PCED1B: variants seen among roughly 807,000 people sequenced by gnomAD.
The protein encoded by PCED1B is PC-esterase domain containing 1B.
For missense variants in PCED1B, 573 were observed against 573.9 expected, an observed-to-expected ratio of 1.00 and a Z score of 0.02; for synonymous variants, 251 against 246.1, an observed-to-expected ratio of 1.02 and a Z score of -0.19.
At chr12:47,196,438 G>A (rs531099012) in intron 2 of PCED1B, among the ~76,000 whole-genome samples, 3 of 152,324 alleles carry the variant, frequency 2.0e-5, no homozygotes, top group Admixed American at 2.0e-4. Flanking sequence ...ACTATATGTT[G>A]CCTGACATAC....
intron 2 of PCED1B, among the ~76,000 whole-genome samples, chr12:47,161,261 G>A (rs1346415914): frequency 6.6e-6 from 1 of 152,142 alleles, no homozygotes; most frequent in Non-Finnish European, 1.5e-5. Flanking sequence ...GCGACATATG[G>A]TGTCAGAAAA....
intron 2 of PCED1B, among the ~76,000 whole-genome samples, chr12:47,116,611 TA>T (rs1226632390): frequency 1.3e-5 from 2 of 152,214 alleles, no homozygotes; most frequent in Non-Finnish European, 2.9e-5. Context: ...TTTTAATAGG[TA>T]GTTAGATCAT....
At chr12:47,089,561 C>A (rs1938174674) in intron 1 of PCED1B, among the ~76,000 whole-genome samples, 1 of 145,200 alleles carries the variant, frequency 6.9e-6, no homozygotes, top group African/African-American at 2.5e-5. Context: ...CTTTGGGAAG[C>A]CAAGTTTATA....
At chr12:47,230,440 GAC>G (rs1254821302) in intron 3 of PCED1B, among the ~76,000 whole-genome samples, 1 of 150,938 alleles carries the variant, frequency 6.6e-6, no homozygotes, top group Non-Finnish European at 1.5e-5. Flanking sequence ...TAGAAAATAT[GAC>G]ACACTTTTCC....
intron 2 of PCED1B, among the ~76,000 whole-genome samples, chr12:47,119,656 G>A (rs1592162906): frequency 6.6e-6 from 1 of 151,710 alleles, no homozygotes; most frequent in South Asian, 2.1e-4. Context: ...CTTATGTCCA[G>A]AATATATATG....
At position 47,236,585 on chromosome 12, in the gene PCED1B, G is replaced by A. The variant is rs573345292; in HGVS notation, c.*223G>A. On this transcript the variant is annotated 3_prime_UTR_variant, in exon 4 of 4. Transcript: ENST00000546455. The stretch of plus-strand genomic sequence containing the variant: ...CCCCACTTCCTGGGAGTGACCCAGC[G>A]TTATTCCTGCCTCCTCACTCCTATT... The A allele has an allele frequency of 8.1e-5, 40 of 491,462 alleles. No homozygotes were observed. The highest frequency in any genetic ancestry group is 5.4e-4 in the Middle Eastern group (1 of 1,846). 30.4% of individuals were successfully genotyped at this position (491,462 alleles called of 1,614,324 possible).
In PCED1B at chr12:47,195,162, C is replaced by T. The variant is rs1942564637; in HGVS notation, c.-525-21060C>T. Among the ~76,000 whole-genome samples, 3 of 152,038 alleles carry T rather than the reference C, an allele frequency of 2.0e-5. No individual in the cohort carries two copies. The South Asian group carries it at 6.2e-4, about 32-fold the overall frequency. The stretch of plus-strand genomic sequence containing the variant: ...TGACCAACAAGGCGAAATTCCGTCT[C>T]TTCTAAAAATACAAAAATCAGCCGA... On this transcript the variant is annotated intron_variant, in intron 2 of 3. Coordinates refer to ENST00000546455, the MANE Select transcript of PCED1B (RefSeq NM_138371.3).
chr12:47,140,552 C>T (rs1052110186), intron 2 of PCED1B, among the ~76,000 whole-genome samples: 6 of 152,190 alleles, frequency 3.9e-5, no homozygotes, highest in East Asian at 3.9e-4. Flanking sequence ...ATTCGATCAA[C>T]GGAATGAGAT....
chr12:47,128,003 C>T (rs949779833), intron 2 of PCED1B, among the ~76,000 whole-genome samples: 1 of 152,182 alleles, frequency 6.6e-6, no homozygotes, highest in African/African-American at 2.4e-5. Flanking sequence ...ACAGTGCTGT[C>T]ATGTCTTCTG....
At chr12:47,172,340 C>CTTTTTTT (rs34230051) in intron 2 of PCED1B, among the ~76,000 whole-genome samples, 1 of 78,348 alleles carries the variant, frequency 1.3e-5, no homozygotes, top group Non-Finnish European at 2.4e-5. Context: ...TCGTGGGTTG[C>CTTTTTTT]TTTTTTTTTT....
chr12:47,217,472 G>GAAAGAA (rs1565607899), intron 3 of PCED1B, among the ~76,000 whole-genome samples: 2 of 49,628 alleles, frequency 4.0e-5, no homozygotes, highest in African/African-American at 2.1e-4. Flanking sequence ...GAAAGAAAGA[G>GAAAGAA]AAAGAAAGAA....
At chr12:47,100,275 T>C (rs1933056479) in intron 1 of PCED1B, among the ~76,000 whole-genome samples, 1 of 152,226 alleles carries the variant, frequency 6.6e-6, no homozygotes, top group South Asian at 2.1e-4. Flanking sequence ...TGCTTGGATC[T>C]CTATCATATT....
intron 1 of PCED1B, among the ~76,000 whole-genome samples, chr12:47,082,970 T>C (rs1244467285): frequency 6.6e-6 from 1 of 150,492 alleles, no homozygotes; most frequent in East Asian, 1.9e-4. Context: ...TAGTAGAATG[T>C]GGCTTGACAC....
At chr12:47,103,945 G>A (rs1219484011) in intron 1 of PCED1B, among the ~76,000 whole-genome samples, 168 bp from the exon 2 acceptor site, 1 of 152,172 alleles carries the variant, frequency 6.6e-6, no homozygotes, top group Admixed American at 6.5e-5. Context: ...GCATCCAGAT[G>A]AGTAAAATCC....
At chr12:47,223,326 T>G (rs1300590762) in intron 3 of PCED1B, among the ~76,000 whole-genome samples, 1 of 152,098 alleles carries the variant, frequency 6.6e-6, no homozygotes, top group Non-Finnish European at 1.5e-5. Context: ...AAATCATCGG[T>G]GATTTACTAA....
At chr12:47,210,939 A>G (rs1343286043) in intron 2 of PCED1B, among the ~76,000 whole-genome samples, 1 of 152,152 alleles carries the variant, frequency 6.6e-6, no homozygotes, top group Non-Finnish European at 1.5e-5. Context: ...GGTAAAATGG[A>G]ATAGTGATAT....
intron 2 of PCED1B, among the ~76,000 whole-genome samples, chr12:47,109,544 T>A (rs1309850608): frequency 2.6e-5 from 4 of 152,138 alleles, no homozygotes; most frequent in Non-Finnish European, 5.9e-5. Context: ...GTTTCTGGAA[T>A]TTCAGAAATT....
chr12:47,093,506 C>G (rs1938352992), intron 1 of PCED1B, among the ~76,000 whole-genome samples: 1 of 151,716 alleles, frequency 6.6e-6, no homozygotes, highest in Non-Finnish European at 1.5e-5. Context: ...GATTCCTGCT[C>G]TCTCTCTACT....
intron 2 of PCED1B, among the ~76,000 whole-genome samples, chr12:47,129,357 T>G (rs751104080): frequency 2.0e-5 from 3 of 151,934 alleles, no homozygotes; most frequent in African/African-American, 7.3e-5. Flanking sequence ...CCTGTGGTCT[T>G]AGCTACCTGT....
Sources: allele counts gnomAD v4.1 joint callset (sites outside exome capture counted in the v4.1 genomes callset), GRCh38; gene constraint gnomAD v4.1.1; transcripts MANE v1.5; gene names NCBI Gene and HGNC (gene_info 2026-07-23, HGNC 2026-07-21).